VWC2L: variants seen among roughly 807,000 people sequenced by gnomAD.
VWC2L encodes the protein von Willebrand factor C domain containing 2 like.
A neutral mutation model predicts 21.6 loss-of-function variants in VWC2L; 10 were observed. The observed-to-expected ratio is 0.46, with a 90% CI of 0.29 to 0.78. VWC2L has a LOEUF of 0.78. VWC2L is among the 30% of genes least tolerant of loss of function. The pLI, the probability that VWC2L is intolerant of heterozygous loss-of-function variation, is 0.10. For missense variants in VWC2L, 209 were observed against 277.1 expected (o/e 0.75, Z 1.74); for synonymous variants, 96 against 94.3 (o/e 1.02, Z -0.10).
intron 1 of VWC2L, among the ~76,000 whole-genome samples, chr2:214,412,660 G>A (rs1481883189): frequency 6.6e-6 from 1 of 151,916 alleles, no homozygotes; most frequent in African/African-American, 2.4e-5. Flanking sequence ...CCAGAAAGAG[G>A]GCATACTACC....
intron 3 of VWC2L, among the ~76,000 whole-genome samples, chr2:214,504,804 C>T (rs957560201): frequency 6.6e-6 from 1 of 152,052 alleles, no homozygotes; most frequent in Non-Finnish European, 1.5e-5. Context: ...AGATGTGATT[C>T]CCATTTTACA....
At chr2:214,560,247 A>G (rs1689945172) in intron 3 of VWC2L, among the ~76,000 whole-genome samples, 1 of 152,212 alleles carries the variant, frequency 6.6e-6, no homozygotes, top group Admixed American at 6.5e-5. Context: ...TTAGCAGGGC[A>G]TCTTTGGTAG....
chr2:214,546,829 A>T (rs1338742168), intron 3 of VWC2L, among the ~76,000 whole-genome samples: 1 of 152,156 alleles, frequency 6.6e-6, no homozygotes, highest in Non-Finnish European at 1.5e-5. Context: ...TGTTAAAGTG[A>T]TTCTATGCCA....
chr2:214,431,227 G>C (rs996263485), intron 2 of VWC2L, among the ~76,000 whole-genome samples: 10 of 152,164 alleles, frequency 6.6e-5, no homozygotes, highest in African/African-American at 2.4e-4. Context: ...CTTTGAAATA[G>C]AGTCTTCCAA....
chr2:214,503,342 C>A (rs1478910688), intron 3 of VWC2L, among the ~76,000 whole-genome samples: 2 of 151,584 alleles, frequency 1.3e-5, no homozygotes, highest in African/African-American at 4.9e-5. Context: ...CATGAAAATA[C>A]TTAATTTTAA....
chr2:214,569,935 C>G (rs1473932998), intron 3 of VWC2L, among the ~76,000 whole-genome samples: 1 of 151,908 alleles, frequency 6.6e-6, no homozygotes, highest in Non-Finnish European at 1.5e-5. Flanking sequence ...CCTTTTCCAT[C>G]CAATTTTTAT....
chr2:214,424,998 C>A (rs1232063364), intron 2 of VWC2L, among the ~76,000 whole-genome samples: 1 of 152,172 alleles, frequency 6.6e-6, no homozygotes, highest in African/African-American at 2.4e-5. Flanking sequence ...GCTCCATGAG[C>A]CAGATCCAGT....
chr2:214,535,384 T>C (rs1689509481), intron 3 of VWC2L, among the ~76,000 whole-genome samples: 1 of 151,986 alleles, frequency 6.6e-6, no homozygotes, highest in African/African-American at 2.4e-5. Flanking sequence ...GGTCCAAGAT[T>C]CTCATACCAT....
At chr2:214,497,006 T>C (rs1688822289) in intron 3 of VWC2L, among the ~76,000 whole-genome samples, 1 of 152,222 alleles carries the variant, frequency 6.6e-6, no homozygotes, top group Non-Finnish European at 1.5e-5. Context: ...ACCATATTTC[T>C]TTGAAAAGAA....
intron 3 of VWC2L, among the ~76,000 whole-genome samples, chr2:214,554,415 A>G (rs1320693541): frequency 6.6e-6 from 1 of 152,132 alleles, no homozygotes; most frequent in African/African-American, 2.4e-5. Flanking sequence ...CTGTAATCCC[A>G]GCACTTTGGG....
intron 3 of VWC2L, among the ~76,000 whole-genome samples, chr2:214,553,541 T>A (rs1340869733): frequency 6.6e-6 from 1 of 152,176 alleles, no homozygotes; most frequent in Non-Finnish European, 1.5e-5. Context: ...GATAAGGGGT[T>A]ATGGAGACCA....
At chr2:214,417,718 G>T (rs1445487946) in intron 2 of VWC2L, among the ~76,000 whole-genome samples, 1 of 152,128 alleles carries the variant, frequency 6.6e-6, no homozygotes, top group Non-Finnish European at 1.5e-5. Flanking sequence ...TGAATACTGG[G>T]CCAAAATATT....
intron 3 of VWC2L, among the ~76,000 whole-genome samples, chr2:214,491,368 A>G (rs1688743454): frequency 6.6e-6 from 1 of 152,200 alleles, no homozygotes; most frequent in Non-Finnish European, 1.5e-5. Context: ...GAGAATATTG[A>G]GGACGCAGAG....
chr2:214,500,977 G>A (rs1688883124), intron 3 of VWC2L, among the ~76,000 whole-genome samples: 1 of 152,112 alleles, frequency 6.6e-6, no homozygotes, highest in Admixed American at 6.5e-5. Flanking sequence ...CTCTAAGTAA[G>A]CCTATAAACA....
At chr2:214,451,496 C>G (rs1702954473) in intron 3 of VWC2L, among the ~76,000 whole-genome samples, 1 of 152,058 alleles carries the variant, frequency 6.6e-6, no homozygotes, top group Admixed American at 6.6e-5. Context: ...GGGGCAAAGG[C>G]AAGTCCTTCA....
intron 2 of VWC2L, among the ~76,000 whole-genome samples, chr2:214,429,851 T>G (rs1338365192): frequency 1.3e-5 from 2 of 152,034 alleles, no homozygotes; most frequent in African/African-American, 4.8e-5. Flanking sequence ...TGAAATGGAG[T>G]CTTGCTCTGT....
intron 3 of VWC2L, chr2:214,525,074 CACACAT>C (rs140023306): frequency 0.29 from 40,710 of 138,876 alleles, 6,459 homozygotes; most frequent in East Asian, 0.42. Flanking sequence ...CACACACACA[CACACAT>C]ACACTTTTAA....
intron 2 of VWC2L, among the ~76,000 whole-genome samples, chr2:214,430,623 A>T (rs938746013): frequency 6.6e-6 from 1 of 152,172 alleles, no homozygotes; most frequent in South Asian, 2.1e-4. Context: ...AGCTATGTGC[A>T]CTCCATAATC....
In VWC2L at chr2:214,436,753, A is replaced by T; in HGVS notation, c.515A>T (p.Lys172Ile). 6.2e-7 allele frequency: 1 copy of T among 1,613,156 alleles called. No individual in the cohort carries two copies. The highest frequency in any genetic ancestry group is 8.5e-7 in the Non-Finnish European group (1 of 1,179,290). The change falls in exon 3 of 4, where the codon AAA becomes ATA. Residue 172 changes from lysine (K) to isoleucine (I), a missense_variant. Lys to Ile is a moderately radical substitution (Grantham distance 102, BLOSUM62 -3). Coordinates refer to ENST00000312504, the MANE Select transcript of VWC2L (RefSeq NM_001080500.4). ...YEPEQCCPVC[K>I]NGPNCFAGTT... ...CCAGAACAATGTTGTCCTGTCTGCA[A>T]AAATGGTAAGACCACACTGCATTAG...
Sources: gnomAD v4.1 joint callset for allele counts (sites outside exome capture counted in the v4.1 genomes callset) on GRCh38, gnomAD v4.1.1 for gene constraint, MANE v1.5 for transcripts, NCBI Gene and HGNC (gene_info 2026-07-23, HGNC 2026-07-21) for gene names.